Variants in PPP2R5C observed in about 807,000 individuals in gnomAD.
The protein encoded by PPP2R5C is serine/threonine-protein phosphatase 2A 56 kDa regulatory subunit gamma isoform.
PPP2R5C carries 7 observed loss-of-function variants against 68.9 expected under a neutral mutation model. That is an observed-to-expected ratio of 0.10 (90% CI 0.06 to 0.19). The LOEUF (loss-of-function observed/expected upper bound fraction) is 0.19. Among genes scored for constraint, PPP2R5C ranks in the 10% least tolerant of loss-of-function variants. The probability of loss-of-function intolerance (pLI) is 1.00; values close to 1 mark genes in which losing one functional copy is unlikely to be tolerated. For missense variants in PPP2R5C, 348 were observed against 641.3 expected, an observed-to-expected ratio of 0.54 and a Z score of 4.94; for synonymous variants, 210 against 222.2, an observed-to-expected ratio of 0.95 and a Z score of 0.49.
chr14:101,867,780 AAATT>A (rs758125603), intron 2 of PPP2R5C, among the ~76,000 whole-genome samples: 7 of 151,766 alleles, frequency 4.6e-5, no homozygotes, highest in South Asian at 4.2e-4. Context: ...TCCATCAAAA[AAATT>A]AATTAATTAA....
At chr14:101,857,451 T>C (rs933948309) in intron 2 of PPP2R5C, among the ~76,000 whole-genome samples, 5 of 152,356 alleles carry the variant, frequency 3.3e-5, no homozygotes, top group African/African-American at 1.2e-4. Context: ...GGACAGCCCA[T>C]GCTGATTGGC....
intron 1 of PPP2R5C, chr14:101,820,604 T>G (rs1482240770): frequency 6.6e-6 from 1 of 152,244 alleles, no homozygotes. Context: ...TTGAGAAGCA[T>G]TGAAACCTCC....
intron 10 of PPP2R5C, among the ~76,000 whole-genome samples, chr14:101,908,144 T>G (rs2046165688): frequency 6.6e-6 from 1 of 152,192 alleles, no homozygotes; most frequent in Non-Finnish European, 1.5e-5. Flanking sequence ...CTTGCAACAA[T>G]CTTCACTTGG....
chr14:101,869,766 C>T (rs1348873333), intron 2 of PPP2R5C, among the ~76,000 whole-genome samples: 3 of 152,088 alleles, frequency 2.0e-5, no homozygotes, highest in African/African-American at 7.2e-5. Flanking sequence ...GTGATCCTCT[C>T]ACCTCAGCCT....
intron 1 of PPP2R5C, chr14:101,824,218 G>A (rs2040261257): frequency 8.4e-7 from 1 of 1,187,638 alleles, no homozygotes. Context: ...GTAATTCTTA[G>A]GATTTAGTAC....
chr14:101,780,991 C>T (rs531692384), intron 2 of PPP2R5C, among the ~76,000 whole-genome samples: 1 of 152,280 alleles, frequency 6.6e-6, no homozygotes, highest in East Asian at 1.9e-4. Context: ...GCTTTCCTCT[C>T]TGTAAGCTAA....
At chr14:101,908,812 G>GA (rs1055077126) in intron 10 of PPP2R5C, among the ~76,000 whole-genome samples, 13 of 151,902 alleles carry the variant, frequency 8.6e-5, no homozygotes, top group African/African-American at 1.5e-4. Flanking sequence ...CCATTGCAAA[G>GA]AAAAAAATGT....
upstream of PPP2R5C, chr14:101,761,884 C>T (rs1275750199): frequency 5.2e-6 from 6 of 1,148,622 alleles, no homozygotes; most frequent in Non-Finnish European, 5.4e-6. Context: ...GGCGGCGGCC[C>T]GCTCCAGCCA....
chr14:101,821,448 GGTGGGTGTGT>G (rs2040059949), intron 1 of PPP2R5C, among the ~76,000 whole-genome samples: 2 of 58,816 alleles, frequency 3.4e-5, no homozygotes, highest in African/African-American at 4.5e-5. Context: ...GGGGTGGGTG[GGTGGGTGTGT>G]GTGTGTGTGT....
At chr14:101,806,798 C>T (rs1331984286), upstream of PPP2R5C, among the ~76,000 whole-genome samples, 2 of 151,948 alleles carry the variant, frequency 1.3e-5, no homozygotes, top group Non-Finnish European at 2.9e-5. Context: ...CTCATCTCTA[C>T]TGAAAATGAA....
At chr14:101,822,882 T>A (rs538652559) in intron 1 of PPP2R5C, among the ~76,000 whole-genome samples, 66 of 152,340 alleles carry the variant, frequency 4.3e-4, no homozygotes, top group African/African-American at 1.6e-3. Flanking sequence ...CTACATAGAT[T>A]GGAAAAATAT....
intron 2 of PPP2R5C, among the ~76,000 whole-genome samples, chr14:101,775,087 A>G (rs992059694): frequency 5.3e-5 from 8 of 152,208 alleles, no homozygotes; most frequent in Admixed American, 3.9e-4. Context: ...AGAAGCTGCT[A>G]GTATTGGTCC....
chr14:101,809,630 C>T (rs1480588426), upstream of PPP2R5C, among the ~76,000 whole-genome samples: 1 of 148,782 alleles, frequency 6.7e-6, no homozygotes. Flanking sequence ...TTGTGGCCTC[C>T]AGTATTCCCC....
chr14:101,926,084 A>G (rs536018360), exon 14 of PPP2R5C: 3 of 152,386 alleles, frequency 2.0e-5, no homozygotes, highest in African/African-American at 7.2e-5. Context: ...GTTTCCGTCA[A>G]CTTAAACATT....
At position 101,860,365 on chromosome 14, in the gene PPP2R5C, G is replaced by A. The variant is rs139064725; in HGVS notation, c.294+3480G>A. 2.4e-3 allele frequency among the ~76,000 whole-genome samples: 370 copies of A among 152,252 alleles called. 1 individual carries two copies. The highest frequency in any genetic ancestry group is 0.01 in the Middle Eastern group (3 of 294). On this transcript the variant is annotated intron_variant, in intron 2 of 13. Coordinates refer to ENST00000334743, the Ensembl canonical transcript of PPP2R5C. ...GTTCTCAAGGTTCATCCACGTGCCA[G>A]TACCTCATGCCTTTTTATTGCCCCA...
intron 2 of PPP2R5C, among the ~76,000 whole-genome samples, chr14:101,764,480 T>C (rs565543460): frequency 6.6e-6 from 1 of 152,328 alleles, no homozygotes; most frequent in Non-Finnish European, 1.5e-5. Context: ...TGATCTGCAG[T>C]GGACTTTTTT....
chr14:101,892,286 A>C lies in PPP2R5C; in HGVS notation c.690-714A>C, dbSNP rs2140966289. Among the ~76,000 whole-genome samples, 2 of 151,036 alleles carry C rather than the reference A, an allele frequency of 1.3e-5. 1 individual carries two copies. The highest frequency in any genetic ancestry group is 4.2e-4 in the South Asian group (2 of 4,774). ...GATTTTTAACCAGCTCTCATCCAGC[A>C]TCCACTGGGTCTCTGTTACCAACAT... On this transcript the variant is annotated intron_variant, in intron 6 of 13. Transcript: ENST00000334743.
upstream of PPP2R5C, among the ~76,000 whole-genome samples, chr14:101,806,294 G>A (rs1288264083): frequency 6.7e-6 from 1 of 149,718 alleles, no homozygotes; most frequent in East Asian, 2.0e-4. Context: ...GGTGTGTGAT[G>A]TTCCCCTCCC....
chr14:101,855,361 C>T (rs1041772482), intron 1 of PPP2R5C, among the ~76,000 whole-genome samples: 2 of 152,108 alleles, frequency 1.3e-5, no homozygotes, highest in Non-Finnish European at 2.9e-5. Context: ...TTTGGGAAAA[C>T]GTGGTTGGGA....
Sources: allele counts gnomAD v4.1 joint callset (sites outside exome capture counted in the v4.1 genomes callset), GRCh38; gene constraint gnomAD v4.1.1; transcripts MANE v1.5; gene names NCBI Gene and HGNC (gene_info 2026-07-23, HGNC 2026-07-21).